The following AKAIN1 variants were observed in gnomAD, a reference collection of about 807,000 sequenced individuals.
AKAIN1 encodes A-kinase anchor inhibitor 1.
AKAIN1 carries 3 observed loss-of-function variants against 3.7 expected under a neutral mutation model. The observed-to-expected ratio is 0.82, with a 90% CI of 0.37 to 2.12. The LOEUF (loss-of-function observed/expected upper bound fraction) is 2.12. AKAIN1 is among the 30% of genes most tolerant of loss of function. The probability of loss-of-function intolerance (pLI) is 0.06; values close to 1 mark genes in which losing one functional copy is unlikely to be tolerated. For synonymous variants in AKAIN1, 31 were observed against 30.8 expected, an observed-to-expected ratio of 1.01 and a Z score of -0.02; for missense variants, 82 against 82.7, an observed-to-expected ratio of 0.99 and a Z score of 0.03.
Position 5,145,458 on chromosome 18 carries a change from C to A in AKAIN1, c.*104G>T, listed in dbSNP as rs1212299523. The A allele has an allele frequency of 4.6e-6, 4 of 860,584 alleles. No individual in the cohort carries two copies. The highest frequency in any genetic ancestry group is 5.4e-6 in the Non-Finnish European group (3 of 551,244). 53.3% of individuals were successfully genotyped at this position (860,584 alleles called of 1,614,324 possible). A position where few individuals can be genotyped will look rare whatever the true frequency, so the allele number is the denominator to read the frequency against. On this transcript the variant is annotated 3_prime_UTR_variant, in exon 2 of 2. Transcript: ENST00000434239. The stretch of plus-strand genomic sequence containing the variant: ...TGTGAATTCATTCTACAGCTAGGTG[C>A]CGGTGACACTTCGGTTTGCTTTACT...
intron 1 of AKAIN1, among the ~76,000 whole-genome samples, chr18:5,176,277 A>G (rs1294427786): frequency 2.0e-5 from 3 of 152,094 alleles, no homozygotes; most frequent in Non-Finnish European, 4.4e-5. Flanking sequence ...CATCTCTACT[A>G]AAAATGTAAA....
At chr18:5,177,706 C>T (rs370469) in intron 1 of AKAIN1, among the ~76,000 whole-genome samples, 4,809 of 152,200 alleles carry the variant, frequency 0.032, 209 homozygotes, top group African/African-American at 0.1. Context: ...CATATATAAA[C>T]TGCTTCTAAG....
intron 1 of AKAIN1, among the ~76,000 whole-genome samples, chr18:5,151,864 C>T (rs1031347652): frequency 6.6e-6 from 1 of 152,192 alleles, no homozygotes; most frequent in Non-Finnish European, 1.5e-5. Flanking sequence ...ATGTTTCACT[C>T]ATACATATAT....
rs761094933 is a variant in AKAIN1 at position 5,145,754 on chromosome 18, A to G, written c.18T>C (p.Gly6=). Residue 6 remains glycine, a splice_region_variant and synonymous_variant, in exon 2 of 2, where the codon GGT becomes GGC. Transcript: ENST00000434239. Reference sequence around the variant, plus strand: ...CTTCAGGCTCATTTCCAGGTTTCTCACCTAGCCAAAAACATGAAAAGGAGG... The same window carrying G: ...CTTCAGGCTCATTTCCAGGTTTCTCGCCTAGCCAAAAACATGAAAAGGAGG... The part of the protein sequence containing the change: MVFAP[G]EKPGNEPEEV... 1 of 1,548,062 alleles carries G rather than the reference A, an allele frequency of 6.5e-7. No individual in the cohort carries two copies. The highest frequency in any genetic ancestry group is 8.7e-7 in the Non-Finnish European group (1 of 1,144,130).
At chr18:5,159,153 A>G (rs1901143022) in intron 1 of AKAIN1, among the ~76,000 whole-genome samples, 1 of 151,864 alleles carries the variant, frequency 6.6e-6, no homozygotes, top group African/African-American at 2.4e-5. Context: ...GAAGTGAAGA[A>G]CAAGATCAGA....
At chr18:5,160,201 A>C (rs892563890) in intron 1 of AKAIN1, among the ~76,000 whole-genome samples, 38 of 152,228 alleles carry the variant, frequency 2.5e-4, no homozygotes, top group African/African-American at 9.1e-4. Flanking sequence ...GCAAATTTGC[A>C]CTCTCCTCAG....
At chr18:5,166,646 T>C (rs2071169414) in intron 1 of AKAIN1, among the ~76,000 whole-genome samples, 1 of 152,148 alleles carries the variant, frequency 6.6e-6, no homozygotes, top group Non-Finnish European at 1.5e-5. Context: ...GACAGTCTGC[T>C]CAACATGCAG....
intron 1 of AKAIN1, among the ~76,000 whole-genome samples, chr18:5,193,476 A>C (rs950668216): frequency 1.3e-5 from 2 of 152,150 alleles, no homozygotes; most frequent in African/African-American, 4.8e-5. Context: ...TTTCCACCTC[A>C]CACTCTGTTT....
At chr18:5,156,193 G>A (rs148733858) in intron 1 of AKAIN1, among the ~76,000 whole-genome samples, 202 of 152,228 alleles carry the variant, frequency 1.3e-3, no homozygotes, top group African/African-American at 4.5e-3. Context: ...TCCTGGGAAG[G>A]AAGGAGGGAG....
intron 1 of AKAIN1, among the ~76,000 whole-genome samples, chr18:5,188,513 C>T (rs1012302585): frequency 3.9e-4 from 59 of 152,004 alleles, no homozygotes; most frequent in African/African-American, 1.4e-3. Context: ...TGCCACCCAT[C>T]CTTCCCCCTG....
chr18:5,149,131 G>A (rs893778463), intron 1 of AKAIN1, among the ~76,000 whole-genome samples: 1 of 152,192 alleles, frequency 6.6e-6, no homozygotes, highest in Non-Finnish European at 1.5e-5. Context: ...CAAACTAGAT[G>A]CGTGTTAACT....
In AKAIN1 at chr18:5,197,062, C is replaced by T. The variant is rs778929215; in HGVS notation, c.-9G>A. The T allele has an allele frequency of 1.9e-6, 3 of 1,551,550 alleles. No homozygotes were observed. The African/African-American group carries it at 4.1e-5, about 21-fold the overall frequency. ...CCTGGAGCGAACACCATGATTTCTT[C>T]CAGCCGCTACGCCCCCAGATTAAGA... On this transcript the variant is annotated 5_prime_UTR_variant, in exon 1 of 2. Coordinates refer to ENST00000434239, the MANE Select transcript of AKAIN1 (RefSeq NM_001145194.2). This position sits in a 1 kb window ranked among gnomAD's most constrained non-coding sequence, Gnocchi z 6.9.
intron 1 of AKAIN1, among the ~76,000 whole-genome samples, chr18:5,193,015 A>G (rs890249210): frequency 6.6e-6 from 1 of 152,214 alleles, no homozygotes; most frequent in African/African-American, 2.4e-5. Context: ...GTGTTGGCAC[A>G]TTGTAAACCT....
chr18:5,182,798 A>G (rs2071265781), intron 1 of AKAIN1, among the ~76,000 whole-genome samples: 1 of 152,044 alleles, frequency 6.6e-6, no homozygotes, highest in Non-Finnish European at 1.5e-5. Flanking sequence ...CTGGCTGTCT[A>G]TTCTTTTACT....
Position 5,168,876 on chromosome 18 carries a change from A to C in AKAIN1, c.17-23121T>G, listed in dbSNP as rs1379089777. Among the ~76,000 whole-genome samples the C allele has an allele frequency of 6.3e-3, 944 of 150,624 alleles. 6 individuals are homozygous for C. The highest frequency in any genetic ancestry group is 0.022 in the African/African-American group (879 of 40,354). On this transcript the variant is annotated intron_variant, in intron 1 of 1. Transcript: ENST00000434239. ...TGAGGCAATTCATTAAAAAAAAAAA[A>C]AAAGCAAACAAACAAAAACAACAAC...
intron 1 of AKAIN1, among the ~76,000 whole-genome samples, chr18:5,183,179 T>A (rs954623176): frequency 1.2e-4 from 18 of 151,998 alleles, no homozygotes; most frequent in Admixed American, 7.9e-4. Context: ...ATGTCTTTTT[T>A]AAAAATGATA....
intron 1 of AKAIN1, among the ~76,000 whole-genome samples, chr18:5,180,711 C>A (rs2071252994): frequency 6.6e-6 from 1 of 152,072 alleles, no homozygotes; most frequent in Non-Finnish European, 1.5e-5. Context: ...TGATTAAAAT[C>A]TCTTCTACAG....
At chr18:5,190,894 G>T (rs2143034710) in intron 1 of AKAIN1, among the ~76,000 whole-genome samples, 1 of 152,212 alleles carries the variant, frequency 6.6e-6, no homozygotes, top group South Asian at 2.1e-4. Context: ...TGTTCCAAAG[G>T]CCCTACTGCA....
chr18:5,146,920 A>G (rs1023953202), intron 1 of AKAIN1, among the ~76,000 whole-genome samples: 2 of 152,228 alleles, frequency 1.3e-5, no homozygotes, highest in African/African-American at 4.8e-5. Flanking sequence ...TCTAATTAGA[A>G]GGCAAGGCAG....
Sources: allele counts gnomAD v4.1 joint callset (sites outside exome capture counted in the v4.1 genomes callset), GRCh38; gene constraint gnomAD v4.1.1; non-coding constraint Gnocchi (gnomAD v3.1); transcripts MANE v1.5; gene names NCBI Gene and HGNC (gene_info 2026-07-23, HGNC 2026-07-21).